Variants in SHISAL1 observed in about 807,000 individuals in gnomAD.
SHISAL1 encodes protein shisa-like-1.
Under a neutral mutation model 22.6 loss-of-function variants are expected in SHISAL1, and 9 were observed. That is an observed-to-expected ratio of 0.40 (90% confidence interval 0.24 to 0.70). The LOEUF (loss-of-function observed/expected upper bound fraction) is 0.70, where lower values mean the gene tolerates loss of function less well. SHISAL1 is among the 30% of genes least tolerant of loss of function. SHISAL1 has a pLI of 0.39. For missense variants in SHISAL1, 246 were observed against 270.6 expected (o/e 0.91, Z 0.64); for synonymous variants, 119 against 115.4 (o/e 1.03, Z -0.20).
At chr22:44,257,894 C>T (rs573071390) in intron 4 of SHISAL1, among the ~76,000 whole-genome samples, 4 of 152,362 alleles carry the variant, frequency 2.6e-5, no homozygotes, top group South Asian at 4.1e-4. Flanking sequence ...GTAATCCCAG[C>T]ACTTTGGGAG....
At chr22:44,256,387 C>T (rs140722301) in intron 4 of SHISAL1, among the ~76,000 whole-genome samples, 1 of 152,170 alleles carries the variant, frequency 6.6e-6, no homozygotes, top group South Asian at 2.1e-4. Context: ...TTTGGAATTC[C>T]TCAACCTGCA....
intron 3 of SHISAL1, among the ~76,000 whole-genome samples, chr22:44,289,034 G>A (rs907218279): frequency 1.3e-5 from 2 of 152,234 alleles, no homozygotes; most frequent in African/African-American, 4.8e-5. Context: ...TGGTGACAGT[G>A]GCTGCTTTGA....
intron 1 of SHISAL1, among the ~76,000 whole-genome samples, chr22:44,308,347 C>T (rs111656755): frequency 6.6e-6 from 1 of 152,242 alleles, no homozygotes; most frequent in Non-Finnish European, 1.5e-5. Context: ...CACCTACCTG[C>T]CCCCTTGGGT....
intron 3 of SHISAL1, among the ~76,000 whole-genome samples, chr22:44,291,442 T>C (rs973420981): frequency 6.6e-6 from 1 of 152,160 alleles, no homozygotes; most frequent in Non-Finnish European, 1.5e-5. Context: ...TCAGCCCTAG[T>C]GAACGGGGCT....
At chr22:44,313,227 C>T (rs1220914619), upstream of SHISAL1, among the ~76,000 whole-genome samples, 2 of 152,248 alleles carry the variant, frequency 1.3e-5, no homozygotes, top group Non-Finnish European at 2.9e-5. Context: ...GCTCCAGGTC[C>T]GCACCTCAGC....
At chr22:44,261,224 C>T (rs34210864) in intron 4 of SHISAL1, among the ~76,000 whole-genome samples, 69,311 of 146,792 alleles carry the variant, frequency 0.47, 16,439 homozygotes, top group South Asian at 0.54. Flanking sequence ...CTCAGGGCCT[C>T]TTAACAACAG....
chr22:44,309,795 T>C (rs912629109), intron 1 of SHISAL1, among the ~76,000 whole-genome samples: 1 of 152,224 alleles, frequency 6.6e-6, no homozygotes, highest in Non-Finnish European at 1.5e-5. Flanking sequence ...ATCCTGAGTT[T>C]GTGAACTTTT....
chr22:44,307,944 C>T (rs1648644651), intron 1 of SHISAL1, among the ~76,000 whole-genome samples: 1 of 152,186 alleles, frequency 6.6e-6, no homozygotes, highest in South Asian at 2.1e-4. Flanking sequence ...TGGAGACCCC[C>T]TACAGCACTG....
the SHISAL1 span, among the ~76,000 whole-genome samples, chr22:44,327,119 C>T: frequency 6.6e-6 from 1 of 152,108 alleles, no homozygotes; most frequent in Non-Finnish European, 1.5e-5. Flanking sequence ...CCCCCTCCAC[C>T]AGCAGTTCCT....
chr22:44,263,600 G>T (rs2055141607), intron 4 of SHISAL1, among the ~76,000 whole-genome samples: 1 of 152,166 alleles, frequency 6.6e-6, no homozygotes, highest in Non-Finnish European at 1.5e-5. Flanking sequence ...TAACTGGCTG[G>T]GCCTGATGCC....
chr22:44,298,073 T>TC (rs2055400047), intron 2 of SHISAL1, among the ~76,000 whole-genome samples: 1 of 152,136 alleles, frequency 6.6e-6, no homozygotes. Flanking sequence ...CCACACCCCT[T>TC]CCCCCACAGA....
chr22:44,290,608 G>A (rs1380470105), intron 3 of SHISAL1, among the ~76,000 whole-genome samples: 1 of 151,868 alleles, frequency 6.6e-6, no homozygotes, highest in African/African-American at 2.4e-5. Context: ...CAAGGTGGAT[G>A]ACTCTGGCGA....
rs1293882590 is a variant in SHISAL1, at chr22:44,246,635, C to G, written c.*3050G>C. The G allele has an allele frequency of 1.3e-5, 2 of 152,342 alleles. No homozygotes were observed. The highest frequency in any genetic ancestry group is 2.9e-5 in the Non-Finnish European group (2 of 68,194). The allele number at this position is 152,342 out of a possible 1,614,324, so 9.4% of individuals were successfully genotyped here. On this transcript the variant is annotated 3_prime_UTR_variant, in exon 5 of 5. Transcript: ENST00000381176. ...CCATGGCATTTTGAGGAGCCCTTGA[C>G]ACCATTGGGGGATTGAATACACACA...
In SHISAL1 at chr22:44,285,517, G is replaced by C. The variant is rs539205247; in HGVS notation, c.510C>G (p.Gly170=). ...QRAPQPQPPP[G]PLPQAPQAVH... is the part of the protein sequence containing the mutation. Reference sequence around the variant, plus strand: ...CGGCCTGTGGGGCTTGTGGCAGCGGGCCTGGGGGAGGCTGCGGCTGTGGGG... The same window carrying C: ...CGGCCTGTGGGGCTTGTGGCAGCGGCCCTGGGGGAGGCTGCGGCTGTGGGG... The change falls in exon 4 of 5, where the codon GGC becomes GGG. Residue 170 remains glycine, a synonymous_variant. Transcript: ENST00000381176. The C allele has an allele frequency of 6.2e-7, 1 of 1,613,724 alleles. No homozygotes were observed. Among genetic ancestry groups the C allele is most frequent in the Admixed American group, 1.7e-5 (1 of 60,008 alleles).
At chr22:44,277,935 C>A (rs1019699748) in intron 4 of SHISAL1, among the ~76,000 whole-genome samples, 1 of 152,216 alleles carries the variant, frequency 6.6e-6, no homozygotes, top group Non-Finnish European at 1.5e-5. Flanking sequence ...TGGAGGGACA[C>A]GGAGCCCTGC....
the SHISAL1 span, among the ~76,000 whole-genome samples, chr22:44,330,340 C>T: frequency 0.082 from 12,433 of 152,268 alleles, 794 homozygotes; most frequent in African/African-American, 0.17. Context: ...AGGCCACCCC[C>T]AGAGAGTCCC....
chr22:44,278,419 G>A (rs1024592472), intron 4 of SHISAL1, among the ~76,000 whole-genome samples: 4 of 152,198 alleles, frequency 2.6e-5, no homozygotes, highest in African/African-American at 9.7e-5. Flanking sequence ...AGGGAACCCT[G>A]ACTAATACAG....
chr22:44,308,559 T>A (rs1157666033), intron 1 of SHISAL1, among the ~76,000 whole-genome samples: 1 of 152,140 alleles, frequency 6.6e-6, no homozygotes, highest in Non-Finnish European at 1.5e-5. Flanking sequence ...CTCAGGGCAG[T>A]TCTTCCCCCG....
At chr22:44,330,657 C>T in the SHISAL1 span, among the ~76,000 whole-genome samples, 1 of 148,282 alleles carries the variant, frequency 6.7e-6, no homozygotes, top group African/African-American at 2.5e-5. Context: ...CTGGCTTTTT[C>T]CCCCTGTTTT....
Sources: allele counts gnomAD v4.1 joint callset (sites outside exome capture counted in the v4.1 genomes callset), GRCh38; gene constraint gnomAD v4.1.1; transcripts MANE v1.5; gene names NCBI Gene and HGNC (gene_info 2026-07-23, HGNC 2026-07-21).